The following PRKN variants were observed in gnomAD, a reference collection of about 807,000 sequenced individuals.
PRKN encodes the protein E3 ubiquitin-protein ligase parkin.
Under a neutral mutation model 59.5 loss-of-function variants are expected in PRKN, and 56 were observed. The ratio of observed to expected loss-of-function variants is 0.94; its 90% CI spans 0.76 to 1.18. The LOEUF (loss-of-function observed/expected upper bound fraction) is 1.18. Ranked by LOEUF, PRKN falls within the 50% of genes most tolerant of loss-of-function variation. The probability of loss-of-function intolerance (pLI) is 0.00; values close to 1 mark genes in which losing one functional copy is unlikely to be tolerated. For missense variants in PRKN, 657 were observed against 596.4 expected (o/e 1.10, Z -1.06); for synonymous variants, 250 against 222.1 (o/e 1.13, Z -1.12).
intron 2 of PRKN, among the ~76,000 whole-genome samples, chr6:162,426,529 C>T (rs1260701116): frequency 6.6e-6 from 1 of 152,244 alleles, no homozygotes; most frequent in East Asian, 1.9e-4. Flanking sequence ...CGGCTCACTA[C>T]AACCTCTGCC....
chr6:161,992,810 G>A (rs55872086), intron 5 of PRKN, among the ~76,000 whole-genome samples: 12,006 of 152,054 alleles, frequency 0.079, 539 homozygotes, highest in Middle Eastern at 0.11. Context: ...GAAACTTTGG[G>A]AACTGTACAA....
intron 6 of PRKN, among the ~76,000 whole-genome samples, chr6:161,805,731 T>A (rs1791291149): frequency 6.6e-6 from 1 of 152,200 alleles, no homozygotes; most frequent in Admixed American, 6.5e-5. Flanking sequence ...TCATTTGATG[T>A]GTCTGAAGGA....
At chr6:161,853,405 T>C (rs1311220699) in intron 6 of PRKN, among the ~76,000 whole-genome samples, 2 of 152,312 alleles carry the variant, frequency 1.3e-5, no homozygotes, top group Non-Finnish European at 2.9e-5. Context: ...AAGATAAGTT[T>C]TGAAAGACTG....
rs147035257 is a variant in PRKN, at chr6:161,643,053, C to T, written c.872-73637G>A. Among the ~76,000 whole-genome samples, 820 of 152,224 alleles carry T rather than the reference C, an allele frequency of 5.4e-3. 5 individuals are homozygous for T. Among genetic ancestry groups the T allele is most frequent in the African/African-American group, 0.017 (718 of 41,534 alleles). ...TGCAATCTGAAGTCAGAATTGGTTT[C>T]GAGTTTTAGATTCTTTCATTTTTAT... is the stretch of plus-strand genomic sequence containing the variant. On this transcript the variant is annotated intron_variant, in intron 7 of 11. Transcript: ENST00000366898.
At chr6:161,573,798 A>AC (rs1781026911) in intron 7 of PRKN, among the ~76,000 whole-genome samples, 2 of 123,092 alleles carry the variant, frequency 1.6e-5, no homozygotes, top group African/African-American at 5.9e-5. Context: ...ATATATATAA[A>AC]ACTTCATTCA....
In PRKN at chr6:161,785,902, G is replaced by A. The variant is rs149749354; in HGVS notation, c.741C>T (p.Pro247=). 41 of 1,614,082 alleles carry A rather than the reference G, an allele frequency of 2.5e-5. No homozygotes were observed. The highest frequency in any genetic ancestry group is 1.0e-4 in the Admixed American group (6 of 60,020). The change falls in exon 7 of 12, where the codon CCC becomes CCT. Residue 247 remains proline (P), a synonymous_variant. Transcript: ENST00000366898. The part of the protein sequence containing the change: ...TCITCTDVRS[P]VLVFQCNSRH... ...GGGAGTTGCACTGGAAAACCAGGAC[G>A]GGGCTCCTGCAGAGAGAAAGGAAGA...
chr6:162,507,912 G>A (rs2128189605), intron 1 of PRKN, among the ~76,000 whole-genome samples: 1 of 152,334 alleles, frequency 6.6e-6, no homozygotes, highest in East Asian at 1.9e-4. Flanking sequence ...AAGTAGAACA[G>A]AAAAGGCTTG....
chr6:161,989,822 C>T (rs746276466), intron 5 of PRKN, among the ~76,000 whole-genome samples: 35 of 152,156 alleles, frequency 2.3e-4, no homozygotes, highest in Non-Finnish European at 4.0e-4. Context: ...GACTGGGGAA[C>T]GACCCTCCCT....
chr6:161,995,077 G>A (rs1207653858), intron 5 of PRKN, among the ~76,000 whole-genome samples: 3 of 152,038 alleles, frequency 2.0e-5, no homozygotes, highest in Non-Finnish European at 4.4e-5. Context: ...GTAGGGTACT[G>A]GTATAAAAAC....
At chr6:162,650,060 T>C (rs1778359015) in intron 1 of PRKN, among the ~76,000 whole-genome samples, 1 of 152,208 alleles carries the variant, frequency 6.6e-6, no homozygotes, top group African/African-American at 2.4e-5. Flanking sequence ...CGGCCATTTA[T>C]CACTGTTAAG....
At position 161,447,516 on chromosome 6, in the gene PRKN, T is replaced by C. The variant is rs1789547862; in HGVS notation, c.1084-60639A>G. Among the ~76,000 whole-genome samples the C allele has an allele frequency of 6.6e-6, 1 of 152,156 alleles. No homozygotes were observed. Among genetic ancestry groups the C allele is most frequent in the African/African-American group, 2.4e-5 (1 of 41,422 alleles). On this transcript the variant is annotated intron_variant, in intron 9 of 11. Transcript: ENST00000366898. The surrounding 1 kb of genome is among the most constrained non-coding windows in gnomAD (Gnocchi z 4.1). The stretch of plus-strand genomic sequence containing the variant: ...CTTTCTTTCCTTCCTTTCCTTGAGA[T>C]GGAGTCTCTCTCTGTCGCCCAGGCT...
chr6:162,531,057 C>CAA (rs1171548218), intron 1 of PRKN, among the ~76,000 whole-genome samples: 84 of 79,886 alleles, frequency 1.1e-3, no homozygotes, highest in South Asian at 6.5e-3. Context: ...ACTCCATCTC[C>CAA]AAAAAAAAAA....
chr6:161,806,723 G>A (rs1791341659), intron 6 of PRKN, among the ~76,000 whole-genome samples: 1 of 152,174 alleles, frequency 6.6e-6, no homozygotes, highest in African/African-American at 2.4e-5. Flanking sequence ...TGTCAATTTA[G>A]CCTTTATTGA....
chr6:162,462,832 G>A (rs1249354648), intron 1 of PRKN, among the ~76,000 whole-genome samples: 3 of 152,206 alleles, frequency 2.0e-5, no homozygotes, highest in East Asian at 1.9e-4. Flanking sequence ...AGTGGCTCAC[G>A]TCTGTAATCC....
Position 161,390,752 on chromosome 6 carries a change from G to C in PRKN, c.1084-3875C>G, listed in dbSNP as rs917639029. Among the ~76,000 whole-genome samples, 2 of 152,146 alleles carry C rather than the reference G, an allele frequency of 1.3e-5. No individual in the cohort carries two copies. The highest frequency in any genetic ancestry group is 4.8e-5 in the African/African-American group (2 of 41,390). ...GATCCACCCGCCTCGGCCTCCCAAA[G>C]TGCTGGGATTACAGGCATGAGCCAC... On this transcript the variant is annotated intron_variant, in intron 9 of 11. Transcript: ENST00000366898. The surrounding 1 kb of genome is among the most constrained non-coding windows in gnomAD (Gnocchi z 7.0).
At chr6:162,160,687 A>G (rs529084772) in intron 4 of PRKN, among the ~76,000 whole-genome samples, 2 of 152,064 alleles carry the variant, frequency 1.3e-5, no homozygotes, top group South Asian at 4.2e-4. Flanking sequence ...CTAAAAACAA[A>G]CAAACAAACA....
At chr6:161,705,497 G>A (rs1786448535) in intron 7 of PRKN, among the ~76,000 whole-genome samples, 1 of 152,192 alleles carries the variant, frequency 6.6e-6, no homozygotes, top group African/African-American at 2.4e-5. Context: ...ATTGGGGACT[G>A]TCTGTGTAGG....
At chr6:162,140,350 T>G (rs186250468) in intron 4 of PRKN, among the ~76,000 whole-genome samples, 1 of 152,352 alleles carries the variant, frequency 6.6e-6, no homozygotes, top group East Asian at 1.9e-4. Flanking sequence ...ACTCTTTCAA[T>G]GCCTGCCATG....
At chr6:161,706,025 C>T (rs1786476614) in intron 7 of PRKN, among the ~76,000 whole-genome samples, 1 of 151,802 alleles carries the variant, frequency 6.6e-6, no homozygotes, top group Non-Finnish European at 1.5e-5. Context: ...TCCAGTAGCC[C>T]CACTCTTTCC....
Sources: allele counts gnomAD v4.1 joint callset (sites outside exome capture counted in the v4.1 genomes callset), GRCh38; gene constraint gnomAD v4.1.1; non-coding constraint Gnocchi (gnomAD v3.1); transcripts MANE v1.5; gene names NCBI Gene and HGNC (gene_info 2026-07-23, HGNC 2026-07-21).